The following ITGAD variants were observed in gnomAD, a reference collection of about 807,000 sequenced individuals.
The protein encoded by ITGAD is integrin subunit alpha D, also known as integrin alpha-D.
ITGAD carries 105 observed loss-of-function variants against 139.0 expected under a neutral mutation model. The ratio of observed to expected loss-of-function variants is 0.76; its 90% CI spans 0.65 to 0.89. The LOEUF (loss-of-function observed/expected upper bound fraction) is 0.89. Ranked by LOEUF, ITGAD falls within the 40% of genes least tolerant of loss-of-function variation. The pLI is 0.00. For synonymous variants in ITGAD, 569 were observed against 598.3 expected (o/e 0.95, Z 0.71); for missense variants, 1,384 against 1,487.3 (o/e 0.93, Z 1.14).
In ITGAD at chr16:31,396,463, A is replaced by T. The variant is rs116396707; in HGVS notation, c.138-896A>T. ...ACTCCAACCTGGGTGACAGAGTGAAACTCTGTCTCAAAAAACATATGGGTT... is the reference window on the plus strand; with the variant it reads ...ACTCCAACCTGGGTGACAGAGTGAATCTCTGTCTCAAAAAACATATGGGTT... On this transcript the variant is annotated intron_variant, in intron 2 of 29. Coordinates refer to ENST00000389202, the MANE Select transcript of ITGAD (RefSeq NM_005353.3). Among the ~76,000 whole-genome samples, 471 of 152,094 alleles carry T rather than the reference A, an allele frequency of 3.1e-3. 4 individuals are homozygous for T. The highest frequency in any genetic ancestry group is 0.011 in the African/African-American group (452 of 41,464).
intron 2 of ITGAD, among the ~76,000 whole-genome samples, chr16:31,396,243 G>T (rs1156804098): frequency 6.6e-6 from 1 of 152,154 alleles, no homozygotes; most frequent in Non-Finnish European, 1.5e-5. Flanking sequence ...AGGCTGAGGC[G>T]GGTGGATCAC....
Position 31,413,178 on chromosome 16 carries a change from C to G in ITGAD, c.1928C>G (p.Pro643Arg). 1 of 1,614,132 alleles carries G rather than the reference C, an allele frequency of 6.2e-7. No homozygotes were observed. The highest frequency in any genetic ancestry group is 2.2e-5 in the East Asian group (1 of 44,870). ...KAVYRCWEEK[P>R]SALEAGDATV... ...GTGTACCGGTGCTGGGAAGAGAAGC[C>G]CAGTGCCCTGGAAGCTGGGGACGCC... The change falls in exon 16 of 30, where the codon CCC becomes CGC. Residue 643 changes from proline (P) to arginine (R), a missense_variant. Transcript: ENST00000389202.
rs200354593 is a variant in ITGAD, at chr16:31,418,192, G to A, written c.2616+1G>A. 2.5e-5 allele frequency: 41 copies of A among 1,612,900 alleles called. No individual in the cohort carries two copies. Among genetic ancestry groups the A allele is most frequent in the East Asian group, 8.9e-5 (4 of 44,870 alleles). On this transcript the variant is annotated splice_donor_variant, in intron 21 of 29. Transcript: ENST00000389202. LOFTEE classifies it high-confidence loss of function. ...CCCCATCTTCCATGAGGGCTCTAAC[G>A]TCAGTGCTTCTCCCTAAATCCCCAT...
chr16:31,403,544 C>G lies in ITGAD; in HGVS notation c.603C>G (p.Thr201=), dbSNP rs746168308. 2 of 1,614,210 alleles carry G rather than the reference C, an allele frequency of 1.2e-6. No individual in the cohort carries two copies. Among genetic ancestry groups the G allele is most frequent in the East Asian group, 4.5e-5 (2 of 44,884 alleles). Residue 201 remains threonine (T), a synonymous_variant, in exon 7 of 30, where the codon ACC becomes ACG. Transcript: ENST00000389202. This position sits in a 1 kb window ranked among gnomAD's most constrained non-coding sequence, Gnocchi z 4.4. ...CAAACCTCCTGAAGATCCACTTCACCTTCACCCAATTCCGGACCAGCCCGA... is the reference window on the plus strand; with the variant it reads ...CAAACCTCCTGAAGATCCACTTCACGTTCACCCAATTCCGGACCAGCCCGA... ...QYSNLLKIHF[T]FTQFRTSPSQ... is the part of the protein sequence containing the mutation.
chr16:31,402,255 G>A lies in ITGAD; in HGVS notation c.558+10G>A, dbSNP rs2081425958. The A allele has an allele frequency of 6.2e-7, 1 of 1,603,226 alleles. No individual in the cohort carries two copies. Among genetic ancestry groups the A allele is most frequent in the Non-Finnish European group, 8.5e-7 (1 of 1,173,354 alleles). ...GGGCACTGACACCCTGGTGAAGACT[G>A]GGCACCTGGGGCTGGGGTTTGGGGG... On this transcript the variant is annotated intron_variant, in intron 6 of 29. Transcript: ENST00000389202.
At chr16:31,414,326 G>C (rs1466933848) in intron 16 of ITGAD, 125 bp from the exon 17 acceptor site, 1 of 936,082 alleles carries the variant, frequency 1.1e-6, no homozygotes, top group Non-Finnish European at 1.6e-6. Context: ...TGTATCCCCA[G>C]CACGTGGTAC....
intron 23 of ITGAD, among the ~76,000 whole-genome samples, chr16:31,422,623 C>T (rs960814159): frequency 1.2e-4 from 19 of 152,098 alleles, no homozygotes; most frequent in Middle Eastern, 3.2e-3. Flanking sequence ...GCAATGCAAA[C>T]GCCTTTGCCC....
In ITGAD at chr16:31,423,184, C is replaced by T. The variant is rs746391909; in HGVS notation, c.2851C>T (p.Arg951Ter). 6.2e-6 allele frequency: 10 copies of T among 1,613,584 alleles called. No homozygotes were observed. In the Admixed American group the frequency reaches 8.3e-5, roughly 13 times the overall value. ...DEKKMKEAEHRYRVNNLSQRD... is the reference protein window; with the variant it reads ...DEKKMKEAEH ...GAAGAAAATGAAAGAGGCTGAGCAT[C>T]GATACCGTGTGAGAGTCTAGGGAGT... The change falls in exon 24 of 30, where the codon CGA becomes TGA. Residue 951 changes from arginine to a stop codon, truncating the protein, a stop_gained. Coordinates refer to ENST00000389202, the MANE Select transcript of ITGAD (RefSeq NM_005353.3). LOFTEE classifies it high-confidence loss of function.
chr16:31,414,096 AATCT>A (rs1567344300), intron 16 of ITGAD, among the ~76,000 whole-genome samples: 1 of 152,038 alleles, frequency 6.6e-6, no homozygotes, highest in Non-Finnish European at 1.5e-5. Flanking sequence ...TCACCTATCT[AATCT>A]ATCATCTATC....
At chr16:31,398,917 G>C (rs2081338600) in intron 5 of ITGAD, among the ~76,000 whole-genome samples, 1 of 152,182 alleles carries the variant, frequency 6.6e-6, no homozygotes, top group South Asian at 2.1e-4. Flanking sequence ...GTGTGGTAAA[G>C]AACGTGGTGA....
chr16:31,412,942 G>C lies in ITGAD; in HGVS notation c.1812G>C (p.Gly604=), dbSNP rs770222466. 1 of 1,610,242 alleles carries C rather than the reference G, an allele frequency of 6.2e-7. No homozygotes were observed. Among genetic ancestry groups the C allele is most frequent in the Non-Finnish European group, 8.5e-7 (1 of 1,178,218 alleles). Residue 604 remains glycine, a synonymous_variant, in exon 15 of 30, where the codon GGG becomes GGC. Transcript: ENST00000389202. ...TQDGLMDLAV[G]ARGQVLLLRS... ...ATGGACTGATGGACCTGGCCGTGGG[G>C]GCCCGGGGCCAGGTGCTCCTGCTCA... is the stretch of plus-strand genomic sequence containing the variant.
intron 23 of ITGAD, 72 bp downstream of exon 23, chr16:31,418,636 C>A: frequency 8.8e-7 from 1 of 1,130,982 alleles, no homozygotes; most frequent in Non-Finnish European, 1.3e-6. Context: ...TGAGTCCCAG[C>A]CTGCTCTTCC....
At chr16:31,397,992 C>T in intron 5 of ITGAD, 83 bp downstream of exon 5, 1 of 1,048,176 alleles carries the variant, frequency 9.5e-7, no homozygotes. Flanking sequence ...TGTCTGGGCC[C>T]CTGTGCCCTC....
intron 7 of ITGAD, 30 bp from the exon 8 acceptor site, chr16:31,407,485 G>GT: frequency 3.2e-6 from 5 of 1,547,694 alleles, no homozygotes; most frequent in Non-Finnish European, 4.4e-6. Flanking sequence ...TCACATCTCA[G>GT]TAGAGTCATC....
At chr16:31,394,171 T>C in intron 1 of ITGAD, 65 bp from the exon 2 acceptor site, 1 of 910,524 alleles carries the variant, frequency 1.1e-6, no homozygotes, top group Non-Finnish European at 1.7e-6. Flanking sequence ...AAAAAGAGGC[T>C]GGGAGGTCCT....
At chr16:31,406,293 G>A (rs1449509326) in intron 7 of ITGAD, among the ~76,000 whole-genome samples, 5 of 151,994 alleles carry the variant, frequency 3.3e-5, no homozygotes, top group East Asian at 1.9e-4. Context: ...CAGGCTGGTC[G>A]CAAACTCCTG....
At position 31,403,917 on chromosome 16, in the gene ITGAD, G is replaced by A; in HGVS notation, c.704+272G>A. ...CCCCAGGACCCCTCCCCACCCCACA[G>A]CAGCCAGAGGCCCGGGCTTTGGCTC... On this transcript the variant is annotated intron_variant, in intron 7 of 29. Transcript: ENST00000389202. The surrounding 1 kb of genome is among the most constrained non-coding windows in gnomAD (Gnocchi z 4.4). The A allele has an allele frequency of 2.2e-6, 1 of 454,924 alleles. No homozygotes were observed. Among genetic ancestry groups the A allele is most frequent in the Non-Finnish European group, 4.0e-6 (1 of 248,596 alleles). 28.2% of individuals were successfully genotyped at this position (454,924 alleles called of 1,614,324 possible). A position where few individuals can be genotyped will look rare whatever the true frequency, so the allele number is the denominator to read the frequency against.
rs762198800 is a variant in ITGAD, at chr16:31,397,846, G to A, written c.364G>A (p.Gly122Ser). 6.8e-6 allele frequency: 11 copies of A among 1,613,670 alleles called. No individual in the cohort carries two copies. Among genetic ancestry groups the A allele is most frequent in the South Asian group, 6.6e-5 (6 of 91,066 alleles). The change falls in exon 5 of 30, where the codon GGT (glycine) becomes AGT (serine). Residue 122 changes from glycine to serine, a missense_variant. Physicochemically the swap from Gly to Ser is moderately conservative, Grantham distance 56 (BLOSUM62 0). Coordinates refer to ENST00000389202, the MANE Select transcript of ITGAD (RefSeq NM_005353.3). ...RVCGENSYSK[G>S]SCLLLGSRWE... Reference sequence around the variant, plus strand: ...CTGTGGGGAGAACTCATACTCAAAGGGTTCCTGCCTCCTGCTGGGCTCGCG... The same window carrying A: ...CTGTGGGGAGAACTCATACTCAAAGAGTTCCTGCCTCCTGCTGGGCTCGCG...
intron 5 of ITGAD, among the ~76,000 whole-genome samples, chr16:31,399,773 AC>A (rs1193488589): frequency 6.6e-6 from 1 of 152,180 alleles, no homozygotes; most frequent in African/African-American, 2.4e-5. Flanking sequence ...AGTAGAAGGG[AC>A]CAGGGTCCAC....
Sources: gnomAD v4.1 joint callset for allele counts (sites outside exome capture counted in the v4.1 genomes callset) on GRCh38, gnomAD v4.1.1 for gene constraint, Gnocchi (gnomAD v3.1) non-coding constraint, MANE v1.5 for transcripts, NCBI Gene and HGNC (gene_info 2026-07-23, HGNC 2026-07-21) for gene names.